Variants in CDH4 observed in about 807,000 individuals in gnomAD.
The protein encoded by CDH4 is cadherin 4, also known as cadherin-4.
CDH4 carries 33 observed loss-of-function variants against 86.0 expected under a neutral mutation model. The observed-to-expected ratio is 0.38, with a 90% CI of 0.29 to 0.51. CDH4 has a LOEUF of 0.51. Among genes scored for constraint, CDH4 ranks in the 20% least tolerant of loss-of-function variants. The pLI is 0.86. For missense variants in CDH4, 1,114 were observed against 1,307.4 expected (o/e 0.85, Z 2.28); for synonymous variants, 555 against 549.4 (o/e 1.01, Z -0.14).
At position 61,867,001 on chromosome 20, in the gene CDH4, G is replaced by A. The variant is rs374351284; in HGVS notation, c.878-6727G>A. 1.5e-4 allele frequency among the ~76,000 whole-genome samples: 23 copies of A among 152,232 alleles called. No individual in the cohort carries two copies. The East Asian group carries it at 1.7e-3, about 12-fold the overall frequency. ...TTCCCGGGAAGGAGATGATGCCGAC[G>A]GCTGGGGGTGGTTCTTAAGAGCAGC... On this transcript the variant is annotated intron_variant, in intron 6 of 15. Transcript: ENST00000614565.
intron 2 of CDH4, among the ~76,000 whole-genome samples, chr20:61,564,605 C>G (rs991018429): frequency 6.6e-6 from 1 of 152,152 alleles, no homozygotes; most frequent in Non-Finnish European, 1.5e-5. Flanking sequence ...GGAGCAGATG[C>G]CAGCACCATG....
chr20:61,871,986 G>A (rs900545660), intron 6 of CDH4, among the ~76,000 whole-genome samples: 5 of 152,278 alleles, frequency 3.3e-5, no homozygotes, highest in Middle Eastern at 3.4e-3. Context: ...TGGGTGGAAG[G>A]CCAGAGTGGC....
At chr20:61,553,572 G>A (rs149846426) in intron 2 of CDH4, among the ~76,000 whole-genome samples, 172 of 152,320 alleles carry the variant, frequency 1.1e-3, no homozygotes, top group Middle Eastern at 6.8e-3. Flanking sequence ...TTGCAGGTCC[G>A]ATTGTTGGGT....
intron 2 of CDH4, among the ~76,000 whole-genome samples, chr20:61,461,169 A>G (rs1017966994): frequency 6.6e-6 from 1 of 152,116 alleles, no homozygotes; most frequent in Non-Finnish European, 1.5e-5. Context: ...TAAAGAGAAT[A>G]TTGATAATCT....
At chr20:61,871,212 C>T (rs928456497) in intron 6 of CDH4, among the ~76,000 whole-genome samples, 1 of 151,436 alleles carries the variant, frequency 6.6e-6, no homozygotes, top group Non-Finnish European at 1.5e-5. Context: ...TTTGTTTTAT[C>T]ATTTATCACA....
chr20:61,794,003 C>T lies in CDH4; in HGVS notation c.576+20821C>T, dbSNP rs191699794. On this transcript the variant is annotated intron_variant, in intron 4 of 15. Coordinates refer to ENST00000614565, the MANE Select transcript of CDH4 (RefSeq NM_001794.5). ...AATACAAAAAAAAAAATTAGCTGGG[C>T]GTGGTGGCGGGCACCTGTAGTCCCA... Among the ~76,000 whole-genome samples, 749 of 148,210 alleles carry T rather than the reference C, an allele frequency of 5.1e-3. 3 individuals are homozygous for T. The highest frequency in any genetic ancestry group is 0.016 in the African/African-American group (623 of 39,876).
At chr20:61,383,089 ATATATATATG>A in intron 2 of CDH4, among the ~76,000 whole-genome samples, 1 of 115,730 alleles carries the variant, frequency 8.6e-6, no homozygotes, top group African/African-American at 3.7e-5. Context: ...ATATATATGA[ATATATATATG>A]AATATATTAT....
In CDH4 at chr20:61,663,189, C is replaced by A. The variant is rs1328685056; in HGVS notation, c.170-80374C>A. On this transcript the variant is annotated intron_variant, in intron 2 of 15. Transcript: ENST00000614565. This position sits in a 1 kb window ranked among gnomAD's most constrained non-coding sequence, Gnocchi z 5.0. ...GCAGCTCCATGAGTGTCCACGCCTC[C>A]GTGTGTGGACTGATGAGGTAAACGT... Among the ~76,000 whole-genome samples, 1 of 152,202 alleles carries A rather than the reference C, an allele frequency of 6.6e-6. No individual in the cohort carries two copies. Among genetic ancestry groups the A allele is most frequent in the Non-Finnish European group, 1.5e-5 (1 of 68,032 alleles).
intron 7 of CDH4, among the ~76,000 whole-genome samples, chr20:61,877,725 G>A (rs1244459127): frequency 6.6e-6 from 1 of 152,150 alleles, no homozygotes; most frequent in Non-Finnish European, 1.5e-5. Context: ...ATCAGTTTCT[G>A]TCTTGTGCGT....
rs201343892 is a variant in CDH4 at position 61,777,800 on chromosome 20, G to A, written c.576+4618G>A. On this transcript the variant is annotated intron_variant, in intron 4 of 15. Coordinates refer to ENST00000614565, the MANE Select transcript of CDH4 (RefSeq NM_001794.5). ...AACACACATCCACATGCGCACACAC[G>A]TGCATACAAAAACACACATCCACAT... Among the ~76,000 whole-genome samples the A allele has an allele frequency of 6.7e-4, 97 of 144,382 alleles. 1 individual carries two copies. The highest frequency in any genetic ancestry group is 3.5e-3 in the South Asian group (15 of 4,314). The allele number at this position is 144,382 out of a possible 152,430, so 94.7% of individuals were successfully genotyped here. A position where few individuals can be genotyped will look rare whatever the true frequency, so the allele number is the denominator to read the frequency against.
intron 2 of CDH4, among the ~76,000 whole-genome samples, chr20:61,731,517 C>A (rs766066698): frequency 5.3e-5 from 8 of 152,190 alleles, no homozygotes; most frequent in African/African-American, 7.2e-5. Flanking sequence ...AGGTCCCCCC[C>A]AGGTGGGGTG....
chr20:61,871,582 GA>G (rs1983804186), intron 6 of CDH4, among the ~76,000 whole-genome samples: 1 of 152,160 alleles, frequency 6.6e-6, no homozygotes, highest in Non-Finnish European at 1.5e-5. Context: ...TTCCTCTTAG[GA>G]AAATGCAGAG....
chr20:61,742,624 G>A (rs979476543), intron 2 of CDH4, among the ~76,000 whole-genome samples: 5 of 152,098 alleles, frequency 3.3e-5, no homozygotes, highest in Admixed American at 1.3e-4. Flanking sequence ...AACTTTATCC[G>A]TGGCTTTTAT....
intron 4 of CDH4, among the ~76,000 whole-genome samples, chr20:61,842,817 G>C (rs141435449): frequency 1.3e-5 from 2 of 152,232 alleles, no homozygotes; most frequent in East Asian, 3.9e-4. Context: ...GTGGGATTGA[G>C]CGTTTGGTTT....
intron 2 of CDH4, among the ~76,000 whole-genome samples, chr20:61,564,285 GCA>G (rs1044837829): frequency 6.6e-6 from 1 of 152,208 alleles, no homozygotes; most frequent in Non-Finnish European, 1.5e-5. Context: ...TGGCCATTAA[GCA>G]CAGTGTGTGT....
chr20:61,725,271 G>A (rs1318049796), intron 2 of CDH4, among the ~76,000 whole-genome samples: 2 of 152,154 alleles, frequency 1.3e-5, no homozygotes, highest in Non-Finnish European at 2.9e-5. Flanking sequence ...AGCGTAGGAA[G>A]GGCCTTGCCC....
chr20:61,390,698 C>T (rs1423502541), intron 2 of CDH4, among the ~76,000 whole-genome samples: 1 of 151,442 alleles, frequency 6.6e-6, no homozygotes, highest in Non-Finnish European at 1.5e-5. Flanking sequence ...CATAGGGTGC[C>T]CATAGCACCG....
intron 2 of CDH4, among the ~76,000 whole-genome samples, chr20:61,411,904 CAG>C (rs1377297263): frequency 6.6e-6 from 1 of 152,222 alleles, no homozygotes; most frequent in Non-Finnish European, 1.5e-5. Flanking sequence ...CATGGCCCAA[CAG>C]GGGACTGGGT....
At chr20:61,381,862 C>G (rs6061586) in intron 2 of CDH4, among the ~76,000 whole-genome samples, 37,369 of 151,802 alleles carry the variant, frequency 0.25, 4,973 homozygotes, top group African/African-American at 0.34. Context: ...ATCACCTGAG[C>G]TCAGGAGTTC....
Sources: allele counts gnomAD v4.1 joint callset (sites outside exome capture counted in the v4.1 genomes callset), GRCh38; gene constraint gnomAD v4.1.1; non-coding constraint Gnocchi (gnomAD v3.1); transcripts MANE v1.5; gene names NCBI Gene and HGNC (gene_info 2026-07-23, HGNC 2026-07-21).